The following ZCCHC8 variants were observed in gnomAD, a reference collection of about 807,000 sequenced individuals.
The protein encoded by ZCCHC8 is zinc finger CCHC domain-containing protein 8.
ZCCHC8 carries 27 observed loss-of-function variants against 70.6 expected under a neutral mutation model. The observed-to-expected ratio is 0.38, with a 90% confidence interval of 0.28 to 0.53. The LOEUF (loss-of-function observed/expected upper bound fraction) is 0.53, where lower values mean the gene tolerates loss of function less well. ZCCHC8 is among the 20% of genes least tolerant of loss of function. The pLI is 0.81. For missense variants in ZCCHC8, 737 were observed against 876.9 expected (o/e 0.84, Z 2.01); for synonymous variants, 293 against 317.4 (o/e 0.92, Z 0.82).
chr12:122,475,970 T>C (rs1339087614), intron 13 of ZCCHC8, among the ~76,000 whole-genome samples: 1 of 152,172 alleles, frequency 6.6e-6, no homozygotes, highest in Non-Finnish European at 1.5e-5. Context: ...TCCTCCTCAT[T>C]TCCTTGGTAA....
At chr12:122,480,373 C>A (rs1957507819) in intron 10 of ZCCHC8, 62 bp from the exon 11 acceptor site, 1 of 1,378,052 alleles carries the variant, frequency 7.3e-7, no homozygotes, top group Non-Finnish European at 9.6e-7. Flanking sequence ...CTCCCCAGAC[C>A]AAAAGTACAC....
chr12:122,495,314 AC>A (rs1204468958), intron 2 of ZCCHC8, among the ~76,000 whole-genome samples: 1 of 152,044 alleles, frequency 6.6e-6, no homozygotes, highest in Non-Finnish European at 1.5e-5. Flanking sequence ...ACATGGTGAA[AC>A]CCCATCTCTG....
Position 122,478,279 on chromosome 12 carries a change from A to C in ZCCHC8, c.1154T>G (p.Phe385Cys), listed in dbSNP as rs774410602. Residue 385 changes from phenylalanine to cysteine, a missense_variant, in exon 12 of 14, where the codon TTT becomes TGT. Transcript: ENST00000633063. ...PRGIPDEWRI[F>C]GSIPMQACQQ... ...ACATGCCTGCATTGGTATGGAACCAAAGATCCTCCATTCCTAATGATGAAA... is the reference window on the plus strand; with the variant it reads ...ACATGCCTGCATTGGTATGGAACCACAGATCCTCCATTCCTAATGATGAAA... The C allele has an allele frequency of 6.3e-7, 1 of 1,595,034 alleles. No homozygotes were observed. Among genetic ancestry groups the C allele is most frequent in the Non-Finnish European group, 8.5e-7 (1 of 1,170,670 alleles).
chr12:122,498,736 C>A, intron 2 of ZCCHC8, 91 bp downstream of exon 2: 1 of 1,226,368 alleles, frequency 8.2e-7, no homozygotes, highest in Non-Finnish European at 1.2e-6. Context: ...ACAAAAATCC[C>A]ATACACTTTT....
In ZCCHC8 at chr12:122,474,012, C is replaced by G. The variant is rs762319713; in HGVS notation, c.1609G>C (p.Val537Leu). ...IWAALEQAES[V>L]NSDSDVPVDT... ...ACAGGAACGTCGGAGTCGCTGTTTACGCTCTCGGCCTGCTCAAGAGCTGCC... is the reference window on the plus strand; with the variant it reads ...ACAGGAACGTCGGAGTCGCTGTTTAGGCTCTCGGCCTGCTCAAGAGCTGCC... Residue 537 changes from valine (V) to leucine (L), a missense_variant, in exon 14 of 14, where the codon GTA (valine) becomes CTA (leucine). Coordinates refer to ENST00000633063, the MANE Select transcript of ZCCHC8 (RefSeq NM_017612.5). 2 of 1,555,380 alleles carry G rather than the reference C, an allele frequency of 1.3e-6. No homozygotes were observed. Among genetic ancestry groups the G allele is most frequent in the Admixed American group, 4.0e-5 (2 of 50,188 alleles).
Position 122,500,850 on chromosome 12 carries a change from T to C in ZCCHC8, c.-10A>G. ...ACACCTCTGCGGCCATTTTGGGCTG[T>C]GGAAAAGATTCGAGAAGAGGCGGAG... On this transcript the variant is annotated 5_prime_UTR_variant, in exon 1 of 14. Transcript: ENST00000633063. The surrounding 1 kb of genome is among the most constrained non-coding windows in gnomAD (Gnocchi z 4.8). 1 of 1,560,548 alleles carries C rather than the reference T, an allele frequency of 6.4e-7. No homozygotes were observed. The highest frequency in any genetic ancestry group is 8.7e-7 in the Non-Finnish European group (1 of 1,152,606).
intron 1 of ZCCHC8, chr12:122,499,330 G>GTGA (rs1957879373): frequency 6.2e-6 from 1 of 161,436 alleles, no homozygotes; most frequent in Middle Eastern, 3.1e-3. Flanking sequence ...GTGCAATGGT[G>GTGA]TGATCTTGGC....
chr12:122,483,479 C>T lies in ZCCHC8; in HGVS notation c.586G>A (p.Glu196Lys), dbSNP rs1957576753. 6.3e-7 allele frequency: 1 copy of T among 1,593,640 alleles called. No homozygotes were observed. The highest frequency in any genetic ancestry group is 8.6e-7 in the Non-Finnish European group (1 of 1,168,840). The change falls in exon 6 of 14, where the codon GAA becomes AAA. Residue 196 changes from glutamate (E) to lysine (K), a missense_variant. By Grantham distance (56) the Glu-to-Lys change is moderately conservative (BLOSUM62 1). Transcript: ENST00000633063. This position sits in a 1 kb window ranked among gnomAD's most constrained non-coding sequence, Gnocchi z 4.4. Reference sequence around the variant, plus strand: ...GGATACTTGGGTATTTCCCATCCTTCGGAAAGCTGAGGGTTTTCATTTAGA... The same window carrying T: ...GGATACTTGGGTATTTCCCATCCTTTGGAAAGCTGAGGGTTTTCATTTAGA... ...PLLNENPQLS[E>K]GWEIPKYHQV...
rs1566287151 is a variant in ZCCHC8 at position 122,477,924 on chromosome 12, G to A, written c.1262C>T (p.Ser421Phe). 6.2e-7 allele frequency: 1 copy of A among 1,613,970 alleles called. No individual in the cohort carries two copies. Among genetic ancestry groups the A allele is most frequent in the Admixed American group, 1.7e-5 (1 of 60,014 alleles). Residue 421 changes from serine (S) to phenylalanine (F), a missense_variant, in exon 13 of 14, where the codon TCT (serine) becomes TTT (phenylalanine). Transcript: ENST00000633063. ...GVKSGNKRSS[S>F]HSSPGSPKKQ... is the part of the protein sequence containing the mutation. ...CTTTGGACTACCTGGGCTAGAGTGA[G>A]ATGAAGACCTCTTGTTGCCAGACTT...
intron 8 of ZCCHC8, 42 bp from the exon 9 acceptor site, chr12:122,482,129 C>G: frequency 6.5e-7 from 1 of 1,530,724 alleles, no homozygotes; most frequent in African/African-American, 1.4e-5. Flanking sequence ...TCATGCAACT[C>G]AGAAATATTT....
At chr12:122,480,473 CTTTT>C (rs63098963) in intron 10 of ZCCHC8, 162 bp from the exon 11 acceptor site, 131 of 332,042 alleles carry the variant, frequency 3.9e-4, no homozygotes, top group East Asian at 2.3e-3. Flanking sequence ...TAGGACAGAA[CTTTT>C]TTTTTTTTTT....
rs1957330430 is a variant in ZCCHC8, at chr12:122,472,233, G to GT, written c.*1263dup. 1 of 134,946 alleles carries GT rather than the reference G, an allele frequency of 7.4e-6. No homozygotes were observed. The highest frequency in any genetic ancestry group is 3.0e-5 in the African/African-American group (1 of 33,372). The allele number at this position is 134,946 out of a possible 1,614,324, so 8.4% of individuals were successfully genotyped here. A position where few individuals can be genotyped will look rare whatever the true frequency, so the allele number is the denominator to read the frequency against. ...TTTTTTTTTTTTTTTTTGAGATGGA[G>GT]TTTTGCTCTTGTTGCCCAGGCTGGA... On this transcript the variant is annotated 3_prime_UTR_variant, in exon 14 of 14. Transcript: ENST00000633063.
In ZCCHC8 at chr12:122,473,990, G is replaced by A. The variant is rs1260778110; in HGVS notation, c.1631C>T (p.Pro544Leu). The A allele has an allele frequency of 6.3e-7, 1 of 1,583,170 alleles. No individual in the cohort carries two copies. Among genetic ancestry groups the A allele is most frequent in the East Asian group, 2.2e-5 (1 of 44,646 alleles). ...AESVNSDSDV[P>L]VDTPLTGNSV... ...ATTGCCAGTTAAAGGTGTGTCCACA[G>A]GAACGTCGGAGTCGCTGTTTACGCT... Residue 544 changes from proline to leucine, a missense_variant, in exon 14 of 14, where the codon CCT becomes CTT. Coordinates refer to ENST00000633063, the MANE Select transcript of ZCCHC8 (RefSeq NM_017612.5).
Position 122,478,306 on chromosome 12 carries a change from G to C in ZCCHC8, c.1141-14C>G. 6.5e-7 allele frequency: 1 copy of C among 1,539,372 alleles called. No homozygotes were observed. Among genetic ancestry groups the C allele is most frequent in the East Asian group, 2.3e-5 (1 of 43,188 alleles). ...GATCCTCCATTCCTAATGATGAAAA[G>C]AGAAGGAAAAAAAAAACACATGTAT... On this transcript the variant is annotated splice_polypyrimidine_tract_variant and intron_variant, in intron 11 of 13. Transcript: ENST00000633063.
chr12:122,491,595 G>A (rs778405219), intron 3 of ZCCHC8, among the ~76,000 whole-genome samples: 27 of 148,788 alleles, frequency 1.8e-4, no homozygotes, highest in Non-Finnish European at 3.5e-4. Flanking sequence ...TTGGGAGGCC[G>A]AGATGGGTGG....
At chr12:122,493,192 A>G (rs1368819759) in intron 2 of ZCCHC8, among the ~76,000 whole-genome samples, 1 of 152,188 alleles carries the variant, frequency 6.6e-6, no homozygotes, top group Admixed American at 6.6e-5. Flanking sequence ...ACCAAAAATC[A>G]TATAGCATTT....
At chr12:122,475,164 C>G (rs915178614) in intron 13 of ZCCHC8, among the ~76,000 whole-genome samples, 1 of 152,144 alleles carries the variant, frequency 6.6e-6, no homozygotes, top group South Asian at 2.1e-4. Flanking sequence ...TCTTCTGCCT[C>G]TGCCTCCCAA....
In ZCCHC8 at chr12:122,473,499, A is replaced by T; in HGVS notation, c.2122T>A (p.Ter708LysextTer10). The T allele has an allele frequency of 6.2e-7, 1 of 1,603,668 alleles. No homozygotes were observed. Among genetic ancestry groups the T allele is most frequent in the Non-Finnish European group, 8.5e-7 (1 of 1,171,108 alleles). The change falls in exon 14 of 14, where the codon TAA (stop) becomes AAA (lysine). Residue 708 changes from the stop codon to lysine, a stop_lost. Transcript: ENST00000633063. ...GCTCTCAGTGCTAAGTCAAGCCATT[A>T]TTCAGAGGCCTTTTTGTTTTTCTGC... The part of the protein sequence containing the change: ...NQQKNKKASE[*>K]
rs1957822718 is a variant in ZCCHC8, at chr12:122,496,086, G to A, written c.242+2741C>T. On this transcript the variant is annotated intron_variant, in intron 2 of 13. Coordinates refer to ENST00000633063, the MANE Select transcript of ZCCHC8 (RefSeq NM_017612.5). ...GGAGGCTGAGATGGGAGGATCACTT[G>A]AGCCTGGGAGGTTGAGGCTGCAGTG... Among the ~76,000 whole-genome samples, 3 of 151,946 alleles carry A rather than the reference G, an allele frequency of 2.0e-5. No homozygotes were observed. In the South Asian group the frequency reaches 6.2e-4, roughly 32 times the overall value.
Sources: allele counts gnomAD v4.1 joint callset (sites outside exome capture counted in the v4.1 genomes callset), GRCh38; gene constraint gnomAD v4.1.1; non-coding constraint Gnocchi (gnomAD v3.1); transcripts MANE v1.5; gene names NCBI Gene and HGNC (gene_info 2026-07-23, HGNC 2026-07-21).